The following COL3A1 variants were observed in gnomAD, a reference collection of about 807,000 sequenced individuals.
COL3A1 encodes the protein collagen type III alpha 1 chain, also known as collagen alpha-1(III) chain.
In COL3A1, 46 loss-of-function variants were observed where a neutral mutation model predicts 200.9. The ratio of observed to expected loss-of-function variants is 0.23; its 90% CI spans 0.18 to 0.29. The LOEUF is 0.29. Ranked by LOEUF, COL3A1 falls within the 10% of genes least tolerant of loss-of-function variation. COL3A1 has a pLI of 1.00. For synonymous variants in COL3A1, 650 were observed against 628.0 expected, an observed-to-expected ratio of 1.03 and a Z score of -0.52; for missense variants, 1,367 against 1,917.6, an observed-to-expected ratio of 0.71 and a Z score of 5.36.
chr2:189,010,390 A>C, intron 49 of COL3A1, 25 bp downstream of exon 49: 2 of 1,610,900 alleles, frequency 1.2e-6, no homozygotes, highest in Non-Finnish European at 1.7e-6. Flanking sequence ...ACCTTTTTTT[A>C]AATAAGTCAC....
At position 188,997,206 on chromosome 2, in the gene COL3A1, A is replaced by G. The variant is rs752942807; in HGVS notation, c.1803A>G (p.Gly601=). The change falls in exon 25 of 51, where the codon GGA becomes GGG. Residue 601 remains glycine, a synonymous_variant. Transcript: ENST00000304636. ...GKNGERGGPG[G]PGPQGPPGKN... The stretch of plus-strand genomic sequence containing the variant: ...ATGGAGAACGAGGTGGCCCTGGAGG[A>G]CCTGGCCCTCAGGTACGTAGCTTTC... 1 of 1,613,960 alleles carries G rather than the reference A, an allele frequency of 6.2e-7. No individual in the cohort carries two copies. The highest frequency in any genetic ancestry group is 1.7e-5 in the Admixed American group (1 of 60,004).
chr2:188,977,771 C>A (rs1407277976), intron 1 of COL3A1, among the ~76,000 whole-genome samples: 2 of 151,836 alleles, frequency 1.3e-5, no homozygotes, highest in Non-Finnish European at 2.9e-5. Flanking sequence ...AAAGGAGATA[C>A]TAAAAAAATT....
rs1688351613 is a variant in COL3A1 at position 188,997,363 on chromosome 2, G to T, written c.1843G>T (p.Gly615Ter). 1 of 1,613,850 alleles carries T rather than the reference G, an allele frequency of 6.2e-7. No homozygotes were observed. The highest frequency in any genetic ancestry group is 8.5e-7 in the Non-Finnish European group (1 of 1,179,808). ...TCCTCCTGGAAAGAATGGTGAAACT[G>T]GACCTCAGGGACCCCCAGGGCCTAC... The part of the protein sequence containing the change: ...QGPPGKNGET[G>*]PQGPPGPTGP... Residue 615 changes from glycine (G) to a stop codon, truncating the protein, a stop_gained, in exon 26 of 51, where the codon GGA becomes TGA. Coordinates refer to ENST00000304636, the MANE Select transcript of COL3A1 (RefSeq NM_000090.4). LOFTEE classifies it high-confidence loss of function.
rs1250101152 is a variant in COL3A1, at chr2:188,996,561, G to A, written c.1761+65G>A. 3 of 1,342,056 alleles carry A rather than the reference G, an allele frequency of 2.2e-6. No individual in the cohort carries two copies. In the African/African-American group the frequency reaches 4.4e-5, roughly 19 times the overall value. 83.1% of individuals were successfully genotyped at this position (1,342,056 alleles called of 1,614,324 possible). On this transcript the variant is annotated intron_variant, in intron 24 of 50. Transcript: ENST00000304636. ...GGAAGGCTTTTATTTTCCATATGGAGTAAAGAAATGGTCAAAACTCAGTCT... is the reference window on the plus strand; with the variant it reads ...GGAAGGCTTTTATTTTCCATATGGAATAAAGAAATGGTCAAAACTCAGTCT...
intron 16 of COL3A1, 96 bp downstream of exon 16, chr2:188,993,555 AT>A (rs1688233643): frequency 9.3e-7 from 1 of 1,070,270 alleles, no homozygotes; most frequent in Non-Finnish European, 1.4e-6. Flanking sequence ...GTGCTTCAAT[AT>A]GGCTATCAGT....
intron 21 of COL3A1, 92 bp from the exon 22 acceptor site, chr2:188,995,600 A>T (rs774246289): frequency 3.6e-6 from 3 of 835,184 alleles, no homozygotes; most frequent in Non-Finnish European, 5.8e-6. Flanking sequence ...TTAAAAGTTC[A>T]AATGACGTCC....
Position 188,985,221 on chromosome 2 carries a change from G to A in COL3A1, c.307G>A (p.Gly103Arg). The change falls in exon 3 of 51, where the codon GGA (glycine) becomes AGA (arginine). Residue 103 changes from glycine (G) to arginine (R), a missense_variant. By Grantham distance (125) the Gly-to-Arg change is moderately radical. Coordinates refer to ENST00000304636, the MANE Select transcript of COL3A1 (RefSeq NM_000090.4). ...GCCTACTCGCCCTCCTAATGGTCAA[G>A]GACCTCAAGGCCCCAAGGGAGATCC... ...TAPTRPPNGQ[G>R]PQGPKGDPGP... 2 of 1,612,262 alleles carry A rather than the reference G, an allele frequency of 1.2e-6. No individual in the cohort carries two copies. The highest frequency in any genetic ancestry group is 1.7e-6 in the Non-Finnish European group (2 of 1,178,646).
In COL3A1 at chr2:188,996,030, T is replaced by C. The variant is rs560761781; in HGVS notation, c.1609-95T>C. On this transcript the variant is annotated intron_variant, in intron 22 of 50. Transcript: ENST00000304636. ...AGATGTGCAAATCTGAGGCTTCACATGTAAGTGAAAATATCAAAATCATAC... is the reference window on the plus strand; with the variant it reads ...AGATGTGCAAATCTGAGGCTTCACACGTAAGTGAAAATATCAAAATCATAC... The C allele has an allele frequency of 2.1e-4, 263 of 1,270,244 alleles. 4 individuals are homozygous for C. The South Asian group carries it at 3.0e-3, about 15-fold the overall frequency. The allele number at this position is 1,270,244 out of a possible 1,614,324, so 78.7% of individuals were successfully genotyped here. A position where few individuals can be genotyped will look rare whatever the true frequency, so the allele number is the denominator to read the frequency against.
rs75957623 is a variant in COL3A1, at chr2:188,975,514, C to A, written c.79+946C>A. Among the ~76,000 whole-genome samples the A allele has an allele frequency of 7.9e-3, 1,203 of 152,212 alleles. 18 individuals are homozygous for A. The highest frequency in any genetic ancestry group is 0.027 in the African/African-American group (1,108 of 41,542). On this transcript the variant is annotated intron_variant, in intron 1 of 50. Transcript: ENST00000304636. ...TTCCATAGAAATAAATATTTAAGTG[C>A]TAAATGTAAAGATAGCTAGGAGAAA...
intron 44 of COL3A1, 59 bp downstream of exon 44, chr2:189,007,049 A>G (rs1688601449): frequency 6.0e-6 from 8 of 1,336,068 alleles, no homozygotes; most frequent in Non-Finnish European, 8.4e-6. Context: ...CTCATTCTAC[A>G]GTGTAGGAAA....
intron 1 of COL3A1, among the ~76,000 whole-genome samples, chr2:188,978,807 A>G (rs1448640352): frequency 1.3e-5 from 2 of 151,330 alleles, no homozygotes; most frequent in Non-Finnish European, 2.9e-5. Context: ...AACTCTCCAG[A>G]CTTTTCAAAG....
rs1688734407 is a variant in COL3A1, at chr2:189,011,794, C to A, written c.*20C>A. 6.2e-7 allele frequency: 1 copy of A among 1,613,380 alleles called. No individual in the cohort carries two copies. Among genetic ancestry groups the A allele is most frequent in the African/African-American group, 1.3e-5 (1 of 74,952 alleles). ...TTATAAACCAAACTCTATCTGAAAT[C>A]CCAACAAAAAAAATTTAACTCCATA... On this transcript the variant is annotated 3_prime_UTR_variant, in exon 51 of 51. Coordinates refer to ENST00000304636, the MANE Select transcript of COL3A1 (RefSeq NM_000090.4).
intron 4 of COL3A1, among the ~76,000 whole-genome samples, chr2:188,986,128 C>T (rs1481124263): frequency 1.3e-5 from 2 of 151,960 alleles, no homozygotes; most frequent in African/African-American, 2.4e-5. Context: ...ATACTTTATT[C>T]TCCTACTAAT....
chr2:188,989,567 T>C (rs2153501886), intron 8 of COL3A1, 118 bp downstream of exon 8: 1 of 789,808 alleles, frequency 1.3e-6, no homozygotes, highest in Admixed American at 2.4e-5. Flanking sequence ...AATATTGTTG[T>C]CTTAACAACA....
In COL3A1 at chr2:188,996,512, A is replaced by G. The variant is rs368540657; in HGVS notation, c.1761+16A>G. The G allele has an allele frequency of 3.1e-6, 5 of 1,596,842 alleles. No homozygotes were observed. The highest frequency in any genetic ancestry group is 4.3e-6 in the Non-Finnish European group (5 of 1,164,898). ...AGGAAATGATGTGAGTTCCTTCATT[A>G]ATTTCTTCAATAAATATTTGACTGG... On this transcript the variant is annotated intron_variant, in intron 24 of 50. Transcript: ENST00000304636.
intron 1 of COL3A1, among the ~76,000 whole-genome samples, chr2:188,976,856 C>T (rs1382506683): frequency 6.6e-6 from 1 of 152,170 alleles, no homozygotes; most frequent in Non-Finnish European, 1.5e-5. Context: ...TACAAAGATG[C>T]GTCACCTAGT....
At chr2:188,998,841 G>T in intron 29 of COL3A1, 123 bp downstream of exon 29, 1 of 923,578 alleles carries the variant, frequency 1.1e-6, no homozygotes, top group Non-Finnish European at 1.7e-6. Context: ...CAAATGTTTG[G>T]TAAGTACACT....
intron 48 of COL3A1, 114 bp from the exon 49 acceptor site, chr2:189,010,063 TA>T: frequency 1.0e-6 from 1 of 960,682 alleles, no homozygotes; most frequent in Non-Finnish European, 1.6e-6. Context: ...ATTCTATACA[TA>T]AAATGCAGAC....
At position 189,007,610 on chromosome 2, in the gene COL3A1, A is replaced by G; in HGVS notation, c.3363+3A>G. On this transcript the variant is annotated splice_donor_region_variant and intron_variant, in intron 45 of 50. Coordinates refer to ENST00000304636, the MANE Select transcript of COL3A1 (RefSeq NM_000090.4). ...ATCCAGGTGCCCCAGGTTCTCCAGTAAGTGCATTCATTTTGTTGGAAAATC... is the reference window on the plus strand; with the variant it reads ...ATCCAGGTGCCCCAGGTTCTCCAGTGAGTGCATTCATTTTGTTGGAAAATC... 1 of 1,607,734 alleles carries G rather than the reference A, an allele frequency of 6.2e-7. No homozygotes were observed. The highest frequency in any genetic ancestry group is 1.1e-5 in the South Asian group (1 of 90,110).
Sources: allele counts gnomAD v4.1 joint callset (sites outside exome capture counted in the v4.1 genomes callset), GRCh38; gene constraint gnomAD v4.1.1; transcripts MANE v1.5; gene names NCBI Gene and HGNC (gene_info 2026-07-23, HGNC 2026-07-21).